The following CRACDL variants were observed in gnomAD, a reference collection of about 807,000 sequenced individuals.
The protein encoded by CRACDL is CRACD like.
CRACDL carries 26 observed loss-of-function variants against 70.6 expected under a neutral mutation model. The ratio of observed to expected loss-of-function variants is 0.37; its 90% CI spans 0.27 to 0.51. The LOEUF (loss-of-function observed/expected upper bound fraction) is 0.51, where lower values mean the gene tolerates loss of function less well. Among genes scored for constraint, CRACDL ranks in the 20% least tolerant of loss-of-function variants. The probability of loss-of-function intolerance (pLI) is 0.94; values close to 1 mark genes in which losing one functional copy is unlikely to be tolerated. For missense variants in CRACDL, 1,283 were observed against 1,376.9 expected, an observed-to-expected ratio of 0.93 and a Z score of 1.08; for synonymous variants, 618 against 615.2, an observed-to-expected ratio of 1.00 and a Z score of -0.07.
At chr2:98,851,444 C>A (rs17022014) in intron 1 of CRACDL, among the ~76,000 whole-genome samples, 1 of 152,162 alleles carries the variant, frequency 6.6e-6, no homozygotes, top group Non-Finnish European at 1.5e-5. Context: ...CTTGGTTCAC[C>A]TTTCCCTTAT....
At chr2:98,893,306 A>AT (rs879675612) in intron 1 of CRACDL, among the ~76,000 whole-genome samples, 1,852 of 97,038 alleles carry the variant, frequency 0.019, 39 homozygotes, top group African/African-American at 0.093. Context: ...TTTTTTTTAG[A>AT]CGAGTCTCGC....
rs373346873 is a variant in CRACDL at position 98,822,192 on chromosome 2, T to C, written c.2081A>G (p.Lys694Arg). Residue 694 changes from lysine (K) to arginine (R), a missense_variant, in exon 7 of 10, where the codon AAA becomes AGA. By Grantham distance (26) the Lys-to-Arg change is conservative. Transcript: ENST00000397899. The surrounding 1 kb of genome is among the most constrained non-coding windows in gnomAD (Gnocchi z 4.9). ...CTCCTGAGAGGCGCCATCCCTGTATTTGAGCGAGAGGGAGGTGGACCGGAG... is the reference window on the plus strand; with the variant it reads ...CTCCTGAGAGGCGCCATCCCTGTATCTGAGCGAGAGGGAGGTGGACCGGAG... Reference protein sequence around the residue: ...VKLRSTSLSLKYRDGASQEVK... With the variant: ...VKLRSTSLSLRYRDGASQEVK... The C allele has an allele frequency of 1.1e-5, 17 of 1,611,072 alleles. No homozygotes were observed. Among genetic ancestry groups the C allele is most frequent in the Middle Eastern group, 1.6e-4 (1 of 6,082 alleles).
At chr2:98,845,121 T>C (rs1399519025) in intron 2 of CRACDL, among the ~76,000 whole-genome samples, 1 of 152,156 alleles carries the variant, frequency 6.6e-6, no homozygotes, top group African/African-American at 2.4e-5. Flanking sequence ...GACTGGTAAA[T>C]GATCTAAGGG....
At chr2:98,845,799 C>T (rs1337016498) in intron 2 of CRACDL, among the ~76,000 whole-genome samples, 20 of 151,966 alleles carry the variant, frequency 1.3e-4, no homozygotes, top group Non-Finnish European at 1.5e-5. Flanking sequence ...TTTCAGGGCT[C>T]ATCTAAAAAC....
Position 98,822,631 on chromosome 2 carries a change from G to A in CRACDL, c.1642C>T (p.Pro548Ser). 1.5e-6 allele frequency: 2 copies of A among 1,367,136 alleles called. No individual in the cohort carries two copies. Among genetic ancestry groups the A allele is most frequent in the East Asian group, 3.1e-5 (1 of 31,936 alleles). The allele number at this position is 1,367,136 out of a possible 1,614,324, so 84.7% of individuals were successfully genotyped here. A position where few individuals can be genotyped will look rare whatever the true frequency, so the allele number is the denominator to read the frequency against. ...ERPKAERAEA[P>S]PAGAERAAPE... ...GCCGCCCTCTCGGCGCCCGCCGGTG[G>A]CGCCTCGGCTCGCTCGGCCTTGGGG... is the stretch of plus-strand genomic sequence containing the variant. The change falls in exon 7 of 10, where the codon CCA becomes TCA. Residue 548 changes from proline to serine, a missense_variant. Pro to Ser is a moderately conservative substitution (Grantham distance 74). Around this residue, in one of 2 missense-constraint regions of CRACDL, gnomAD observed 921 missense variants for 881.9 expected, o/e 1.04. Transcript: ENST00000397899. This position sits in a 1 kb window ranked among gnomAD's most constrained non-coding sequence, Gnocchi z 4.9.
chr2:98,822,084 A>G lies in CRACDL; in HGVS notation c.2189T>C (p.Leu730Pro). 1 of 1,558,650 alleles carries G rather than the reference A, an allele frequency of 6.4e-7. No individual in the cohort carries two copies. Among genetic ancestry groups the G allele is most frequent in the Non-Finnish European group, 8.7e-7 (1 of 1,151,266 alleles). ...GCCTCGAAGGGCGGGGGCCGTCCCG[A>G]GGGGACACTTCTCCTCCTTCGGGAG... ...TVLPKEEKCP[L>P]GTAPALRGTR... is the part of the protein sequence containing the mutation. The change falls in exon 7 of 10, where the codon CTC (leucine) becomes CCC (proline). Residue 730 changes from leucine to proline, a missense_variant. By Grantham distance (98) the Leu-to-Pro change is moderately conservative. Around this residue, in one of 2 missense-constraint regions of CRACDL, gnomAD observed 921 missense variants for 881.9 expected, o/e 1.04. Transcript: ENST00000397899. This position sits in a 1 kb window ranked among gnomAD's most constrained non-coding sequence, Gnocchi z 4.9.
At chr2:98,800,409 C>T (rs1704024760) in intron 7 of CRACDL, among the ~76,000 whole-genome samples, 1 of 152,048 alleles carries the variant, frequency 6.6e-6, no homozygotes, top group Non-Finnish European at 1.5e-5. Flanking sequence ...CTTTTTCTGT[C>T]CATAATGGGG....
intron 1 of CRACDL, among the ~76,000 whole-genome samples, chr2:98,849,999 C>T (rs546518318): frequency 1.1e-4 from 16 of 152,300 alleles, no homozygotes; most frequent in African/African-American, 2.9e-4. Context: ...GCCCTGCTGT[C>T]GGTTTCTGCA....
At chr2:98,801,794 CTG>C (rs761161198) in intron 7 of CRACDL, among the ~76,000 whole-genome samples, 6 of 152,166 alleles carry the variant, frequency 3.9e-5, no homozygotes, top group African/African-American at 9.7e-5. Context: ...TGTGAAGATT[CTG>C]TGAGAGAATC....
chr2:98,814,182 TTATTA>T (rs1258004380), intron 7 of CRACDL, among the ~76,000 whole-genome samples: 3 of 152,102 alleles, frequency 2.0e-5, no homozygotes, highest in Non-Finnish European at 4.4e-5. Context: ...GCTCTTATGT[TTATTA>T]TTTCTTTCCT....
At chr2:98,853,227 G>A (rs866375103) in intron 1 of CRACDL, among the ~76,000 whole-genome samples, 7 of 152,134 alleles carry the variant, frequency 4.6e-5, no homozygotes, top group African/African-American at 1.7e-4. Flanking sequence ...AACCAAAGAT[G>A]AAGAGGAAAT....
intron 1 of CRACDL, among the ~76,000 whole-genome samples, chr2:98,912,215 T>C (rs1474133536): frequency 7.2e-5 from 11 of 152,234 alleles, no homozygotes; most frequent in Admixed American, 7.2e-4. Context: ...TTAAAGTACC[T>C]GTGCTAACAA....
chr2:98,914,995 G>A (rs555325092), intron 1 of CRACDL, among the ~76,000 whole-genome samples: 10 of 152,328 alleles, frequency 6.6e-5, no homozygotes, highest in African/African-American at 2.4e-4. Flanking sequence ...GAGTCCCCGG[G>A]TCTAGAAGAC....
At chr2:98,829,930 C>T (rs78383421) in intron 5 of CRACDL, among the ~76,000 whole-genome samples, 3,133 of 152,298 alleles carry the variant, frequency 0.021, 105 homozygotes, top group African/African-American at 0.071. Context: ...CCCCAAAACC[C>T]TCTGAGCCAA....
At chr2:98,830,896 C>A (rs1705514097) in intron 5 of CRACDL, among the ~76,000 whole-genome samples, 1 of 152,084 alleles carries the variant, frequency 6.6e-6, no homozygotes, top group Non-Finnish European at 1.5e-5. Flanking sequence ...GAGTCAGAGA[C>A]CTGTGGGATG....
At chr2:98,868,324 C>T (rs1460312617) in intron 1 of CRACDL, among the ~76,000 whole-genome samples, 2 of 152,194 alleles carry the variant, frequency 1.3e-5, no homozygotes, top group East Asian at 1.9e-4. Flanking sequence ...CAAGACCGTT[C>T]GCCCAGCTCA....
At chr2:98,831,777 G>C (rs888880690) in intron 5 of CRACDL, among the ~76,000 whole-genome samples, 2 of 152,144 alleles carry the variant, frequency 1.3e-5, no homozygotes, top group African/African-American at 4.8e-5. Flanking sequence ...GGATTCTAAT[G>C]GAGAAGGTGG....
intron 1 of CRACDL, among the ~76,000 whole-genome samples, chr2:98,850,852 T>C (rs974947167): frequency 1.3e-5 from 2 of 152,234 alleles, no homozygotes; most frequent in Non-Finnish European, 2.9e-5. Context: ...CACAGCCTCC[T>C]TCCCAGCTTA....
chr2:98,887,324 A>T (rs921621010), intron 1 of CRACDL, among the ~76,000 whole-genome samples: 8 of 151,140 alleles, frequency 5.3e-5, no homozygotes, highest in African/African-American at 1.5e-4. Flanking sequence ...ATCTCTATTT[A>T]AAAAAAAATT....
Sources: gnomAD v4.1 joint callset for allele counts (sites outside exome capture counted in the v4.1 genomes callset) on GRCh38, gnomAD v4.1.1 for gene constraint, gnomAD v4.1.1 regional missense constraint, Gnocchi (gnomAD v3.1) non-coding constraint, MANE v1.5 for transcripts, NCBI Gene and HGNC (gene_info 2026-07-23, HGNC 2026-07-21) for gene names.